WNT7B: variants seen among roughly 807,000 people sequenced by gnomAD.
WNT7B encodes Wnt family member 7B.
A neutral mutation model predicts 38.2 loss-of-function variants in WNT7B; 19 were observed. The ratio of observed to expected loss-of-function variants is 0.50; its 90% confidence interval spans 0.35 to 0.73. WNT7B has a LOEUF of 0.73. WNT7B is among the 30% of genes least tolerant of loss of function. The probability of loss-of-function intolerance (pLI) is 0.01; values close to 1 mark genes in which losing one functional copy is unlikely to be tolerated. For synonymous variants in WNT7B, 243 were observed against 209.3 expected (o/e 1.16, Z -1.39); for missense variants, 423 against 507.9 (o/e 0.83, Z 1.61).
At chr22:45,974,477 G>C (rs898095911) in intron 1 of WNT7B, among the ~76,000 whole-genome samples, 1 of 152,236 alleles carries the variant, frequency 6.6e-6, no homozygotes, top group South Asian at 2.1e-4. Context: ...AGCCTCGAGG[G>C]AGGGATTGGC....
intron 2 of WNT7B, among the ~76,000 whole-genome samples, chr22:45,935,229 A>G (rs1931485424): frequency 6.6e-6 from 1 of 152,192 alleles, no homozygotes; most frequent in Non-Finnish European, 1.5e-5. Flanking sequence ...GTGGGTGCAG[A>G]CAGCCTGGAC....
chr22:45,929,883 CCCACTCAT>C (rs369456237), intron 3 of WNT7B, among the ~76,000 whole-genome samples: 59 of 131,892 alleles, frequency 4.5e-4, no homozygotes, highest in East Asian at 9.0e-4. Flanking sequence ...CAACCATCTA[CCCACTCAT>C]CCACTCATCT....
In WNT7B at chr22:45,975,492, C is replaced by A. The variant is rs1007926977; in HGVS notation, c.71+1192G>T. On this transcript the variant is annotated intron_variant, in intron 1 of 3. Transcript: ENST00000339464. The surrounding 1 kb of genome is among the most constrained non-coding windows in gnomAD (Gnocchi z 6.6). ...GCTAGGACGGGGGCTTCCAGTCCTG[C>A]CTCTGAAGCCACTGGCTTTGTCTCT... is the stretch of plus-strand genomic sequence containing the variant. The A allele has an allele frequency of 7.0e-6, 5 of 712,776 alleles. No homozygotes were observed. The highest frequency in any genetic ancestry group is 1.3e-5 in the Non-Finnish European group (5 of 382,356). The allele number at this position is 712,776 out of a possible 1,614,324, so 44.2% of individuals were successfully genotyped here. A position where few individuals can be genotyped will look rare whatever the true frequency, so the allele number is the denominator to read the frequency against.
At chr22:45,948,832 T>A (rs948126261) in intron 2 of WNT7B, among the ~76,000 whole-genome samples, 1 of 116,588 alleles carries the variant, frequency 8.6e-6, no homozygotes, top group Non-Finnish European at 1.6e-5. Context: ...GATCCCTTTT[T>A]TTTTTTTTTT....
chr22:45,929,446 ATCCTTTGATTCG>A (rs535906603), intron 3 of WNT7B, among the ~76,000 whole-genome samples: 189 of 146,514 alleles, frequency 1.3e-3, no homozygotes, highest in African/African-American at 4.6e-3. Flanking sequence ...CCACTGATCC[ATCCTTTGATTCG>A]TCCATCTACT....
At chr22:45,959,944 G>T (rs560982813) in intron 1 of WNT7B, among the ~76,000 whole-genome samples, 1 of 152,328 alleles carries the variant, frequency 6.6e-6, no homozygotes, top group African/African-American at 2.4e-5. Flanking sequence ...GGAGCCAGAA[G>T]CGGGAACCCT....
rs1932563773 is a variant in WNT7B at position 45,976,886 on chromosome 22, G to A, written c.-132C>T. The A allele has an allele frequency of 9.9e-7, 1 of 1,008,232 alleles. No homozygotes were observed. Among genetic ancestry groups the A allele is most frequent in the Admixed American group, 6.0e-5 (1 of 16,672 alleles). The allele number at this position is 1,008,232 out of a possible 1,614,324, so 62.5% of individuals were successfully genotyped here. The stretch of plus-strand genomic sequence containing the variant: ...CCGCGCTGCGGCTCGGGCGGCCGGC[G>A]ACGCGCGGGCACTCGGCGCGCGCTG... On this transcript the variant is annotated 5_prime_UTR_variant, in exon 1 of 4. Coordinates refer to ENST00000339464, the MANE Select transcript of WNT7B (RefSeq NM_058238.3). This position sits in a 1 kb window ranked among gnomAD's most constrained non-coding sequence, Gnocchi z 8.5.
At position 45,925,819 on chromosome 22, in the gene WNT7B, TC is replaced by T. The variant is rs1931065571; in HGVS notation, c.571-2485del. On this transcript the variant is annotated intron_variant, in intron 3 of 3. Coordinates refer to ENST00000339464, the MANE Select transcript of WNT7B (RefSeq NM_058238.3). Reference sequence around the variant, plus strand: ...TCACCCCACCCCGGGCTGCTCACCCTCCTCAGATGGGCCTGGATGGCCGGAG... The same window carrying T: ...TCACCCCACCCCGGGCTGCTCACCCTCTCAGATGGGCCTGGATGGCCGGAG... 3.0e-6 allele frequency: 3 copies of T among 985,244 alleles called. No individual in the cohort carries two copies. The African/African-American group carries it at 5.2e-5, about 17-fold the overall frequency. The allele number at this position is 985,244 out of a possible 1,614,324, so 61.0% of individuals were successfully genotyped here.
At chr22:45,935,691 GAGC>G (rs1931497534) in intron 2 of WNT7B, among the ~76,000 whole-genome samples, 1 of 152,134 alleles carries the variant, frequency 6.6e-6, no homozygotes, top group Non-Finnish European at 1.5e-5. Context: ...TCCCATGCAT[GAGC>G]AGGTCTGGAC....
chr22:45,946,863 C>A (rs941533350), intron 2 of WNT7B, among the ~76,000 whole-genome samples: 1 of 152,224 alleles, frequency 6.6e-6, no homozygotes, highest in Non-Finnish European at 1.5e-5. Context: ...TAAGGGGTAC[C>A]CTTTCAGCCC....
At chr22:45,930,509 G>T (rs1168992628) in intron 3 of WNT7B, among the ~76,000 whole-genome samples, 1 of 152,194 alleles carries the variant, frequency 6.6e-6, no homozygotes, top group Non-Finnish European at 1.5e-5. Flanking sequence ...AGTGGGCGGG[G>T]CCCGGCTTGC....
intron 3 of WNT7B, chr22:45,925,856 C>T (rs1004605252): frequency 2.0e-6 from 2 of 985,298 alleles, no homozygotes; most frequent in South Asian, 4.7e-5. Flanking sequence ...ACCTGGCAGG[C>T]CTGTCCAGAC....
Position 45,976,430 on chromosome 22 carries a change from G to T in WNT7B, c.71+254C>A, listed in dbSNP as rs1601746851. Among the ~76,000 whole-genome samples the T allele has an allele frequency of 6.6e-6, 1 of 151,780 alleles. No individual in the cohort carries two copies. The highest frequency in any genetic ancestry group is 1.5e-5 in the Non-Finnish European group (1 of 67,892). On this transcript the variant is annotated intron_variant, in intron 1 of 3. Transcript: ENST00000339464. This position sits in a 1 kb window ranked among gnomAD's most constrained non-coding sequence, Gnocchi z 8.5. ...GCGCCGGGCACGCTCGCCGCTACCC[G>T]CGAGCCCGGCCGGACCGCCCGCGCG...
chr22:45,949,604 G>A (rs1251913101), intron 2 of WNT7B, among the ~76,000 whole-genome samples: 4 of 152,190 alleles, frequency 2.6e-5, no homozygotes, highest in Admixed American at 2.0e-4. Flanking sequence ...ACCACTGCAC[G>A]GCACCGCTAG....
At chr22:45,971,216 C>A in intron 1 of WNT7B, among the ~76,000 whole-genome samples, 1 of 148,130 alleles carries the variant, frequency 6.8e-6, no homozygotes, top group Non-Finnish European at 1.5e-5. Context: ...TCAGGCGACC[C>A]CGGACGTGGC....
chr22:45,946,192 C>G (rs1931791116), intron 2 of WNT7B, among the ~76,000 whole-genome samples: 1 of 152,192 alleles, frequency 6.6e-6, no homozygotes, highest in Non-Finnish European at 1.5e-5. Flanking sequence ...CTGCCCTCAC[C>G]CTCCAGCCTC....
intron 3 of WNT7B, among the ~76,000 whole-genome samples, chr22:45,929,810 ATCCATCT>A (rs1376208536): frequency 6.7e-6 from 1 of 148,344 alleles, no homozygotes; most frequent in Non-Finnish European, 1.5e-5. Flanking sequence ...CCATCTACCC[ATCCATCT>A]ATCTTCCCAT....
At chr22:45,927,649 A>G (rs1231940028) in intron 3 of WNT7B, 3 of 762,408 alleles carry the variant, frequency 3.9e-6, no homozygotes, top group East Asian at 5.4e-5. Flanking sequence ...TAATCCAAGC[A>G]CTTTGGGAGG....
At chr22:45,971,218 G>T (rs1932429905) in intron 1 of WNT7B, among the ~76,000 whole-genome samples, 1 of 150,350 alleles carries the variant, frequency 6.7e-6, no homozygotes, top group Admixed American at 6.6e-5. Context: ...AGGCGACCCC[G>T]GACGTGGCCC....
Sources: allele counts gnomAD v4.1 joint callset (sites outside exome capture counted in the v4.1 genomes callset), GRCh38; gene constraint gnomAD v4.1.1; non-coding constraint Gnocchi (gnomAD v3.1); transcripts MANE v1.5; gene names NCBI Gene and HGNC (gene_info 2026-07-23, HGNC 2026-07-21).